SPATA3: variants seen among roughly 807,000 people sequenced by gnomAD.
The protein encoded by SPATA3 is spermatogenesis associated 3.
Under a neutral mutation model 5.7 loss-of-function variants are expected in SPATA3, and 6 were observed. The ratio of observed to expected loss-of-function variants is 1.06; its 90% confidence interval spans 0.58 to 2.09. The LOEUF (loss-of-function observed/expected upper bound fraction) is 2.09, where lower values mean the gene tolerates loss of function less well. Among genes scored for constraint, SPATA3 ranks in the 30% most tolerant of loss-of-function variants. The probability of loss-of-function intolerance (pLI) is 0.00; values close to 1 mark genes in which losing one functional copy is unlikely to be tolerated. For synonymous variants in SPATA3, 44 were observed against 48.4 expected, an observed-to-expected ratio of 0.91 and a Z score of 0.37; for missense variants, 155 against 130.4, an observed-to-expected ratio of 1.19 and a Z score of -0.92.
chr2:231,001,897 CA>C (rs1692366232), intron 2 of SPATA3, among the ~76,000 whole-genome samples: 1 of 152,204 alleles, frequency 6.6e-6, no homozygotes. Context: ...CAGGCTCCAA[CA>C]GGAACCTCTG....
At chr2:231,017,648 C>T (rs1016215461) in intron 6 of SPATA3, among the ~76,000 whole-genome samples, 6 of 152,188 alleles carry the variant, frequency 3.9e-5, no homozygotes, top group Admixed American at 1.3e-4. Context: ...ATGAAAATTA[C>T]ATTATTTTAG....
intron 2 of SPATA3, 32 bp downstream of exon 2, chr2:231,000,569 C>A: frequency 6.8e-7 from 1 of 1,467,154 alleles, no homozygotes; most frequent in Non-Finnish European, 9.1e-7. Context: ...AGCCTCGGGG[C>A]ACACAGTCCC....
At chr2:231,018,916 C>A (rs973051224) in intron 6 of SPATA3, among the ~76,000 whole-genome samples, 1 of 151,648 alleles carries the variant, frequency 6.6e-6, no homozygotes, top group African/African-American at 2.4e-5. Flanking sequence ...GAATTCCTGA[C>A]CTCAGGTGAT....
At chr2:231,018,942 A>G (rs1327859067) in intron 6 of SPATA3, among the ~76,000 whole-genome samples, 2 of 148,762 alleles carry the variant, frequency 1.3e-5, no homozygotes, top group Non-Finnish European at 3.0e-5. Flanking sequence ...CGCCTCAGCC[A>G]CCGTGCCTGG....
At chr2:231,013,006 G>A (rs781748833) in intron 5 of SPATA3, among the ~76,000 whole-genome samples, 2 of 152,156 alleles carry the variant, frequency 1.3e-5, no homozygotes, top group African/African-American at 2.4e-5. Context: ...AAGCTCAGCC[G>A]TGCAGGCCAG....
At chr2:231,019,997 G>C (rs116002724) in intron 7 of SPATA3, 1 of 143,872 alleles carries the variant, frequency 7.0e-6, no homozygotes, top group Non-Finnish European at 1.5e-5. Context: ...TCTACCTAAA[G>C]TGTGGACATA....
In SPATA3 at chr2:230,996,947, C is replaced by A. The variant is rs185161797; in HGVS notation, c.791-3419C>A. Among the ~76,000 whole-genome samples, 4 of 152,292 alleles carry A rather than the reference C, an allele frequency of 2.6e-5. No individual in the cohort carries two copies. The East Asian group carries it at 7.7e-4, about 29-fold the overall frequency. ...CTTTTGGGCTGTAAAAGATGCCTGA[C>A]AAACTAGTCCAAGGAAGATAGTCTG... is the stretch of plus-strand genomic sequence containing the variant. On this transcript the variant is annotated intron_variant, in intron 1 of 2. Coordinates refer to ENST00000645363, the Ensembl canonical transcript of SPATA3.
downstream of SPATA3, among the ~76,000 whole-genome samples, chr2:231,005,387 A>G (rs1692562196): frequency 1.4e-5 from 2 of 143,616 alleles, no homozygotes; most frequent in African/African-American, 5.2e-5. Context: ...CATCACCACC[A>G]CCATCATCAC....
chr2:231,009,340 A>G (rs887647888), downstream of SPATA3, among the ~76,000 whole-genome samples: 3 of 152,190 alleles, frequency 2.0e-5, no homozygotes, highest in Non-Finnish European at 4.4e-5. Flanking sequence ...CAGCTGCCTC[A>G]AGCGGCAGAC....
chr2:231,014,475 C>A (rs1272722428), intron 6 of SPATA3, among the ~76,000 whole-genome samples: 1 of 152,218 alleles, frequency 6.6e-6, no homozygotes, highest in African/African-American at 2.4e-5. Context: ...CTCTTTCCCA[C>A]ATGAAATCCA....
intron 6 of SPATA3, among the ~76,000 whole-genome samples, chr2:231,016,526 AAG>A (rs1491146309): frequency 3.5e-5 from 5 of 144,134 alleles, no homozygotes; most frequent in East Asian, 2.3e-4. Context: ...AAAAAAAAAG[AAG>A]AAGAAGGTTA....
In SPATA3 at chr2:231,015,312, C is replaced by G. The variant is rs189207588; in HGVS notation, c.*565+1100C>G. ...ACAGGGTTTCACCATGTTGACCAGG[C>G]TGATCTCGAGCCACCTGCCTTGGCC... is the stretch of plus-strand genomic sequence containing the variant. On this transcript the variant is annotated intron_variant, in intron 6 of 8. Coordinates refer to the SPATA3 transcript ENST00000452881. Among the ~76,000 whole-genome samples the G allele has an allele frequency of 9.9e-5, 14 of 141,190 alleles. No individual in the cohort carries two copies. In the East Asian group the frequency reaches 2.8e-3, roughly 29 times the overall value. The allele number at this position is 141,190 out of a possible 152,430, so 92.6% of individuals were successfully genotyped here. A position where few individuals can be genotyped will look rare whatever the true frequency, so the allele number is the denominator to read the frequency against.
At chr2:231,015,887 C>T (rs766391293) in intron 6 of SPATA3, among the ~76,000 whole-genome samples, 14 of 152,246 alleles carry the variant, frequency 9.2e-5, no homozygotes, top group Non-Finnish European at 1.8e-4. Context: ...CATATTCCCA[C>T]GGAGCTGTGA....
downstream of SPATA3, among the ~76,000 whole-genome samples, chr2:231,005,762 A>G (rs1391614846): frequency 6.6e-6 from 1 of 152,156 alleles, no homozygotes; most frequent in Non-Finnish European, 1.5e-5. Flanking sequence ...GTTGTCATCA[A>G]CACCATTATC....
At chr2:231,012,633 T>TA (rs1255765782) in exon 5 of SPATA3, 1 of 152,156 alleles carries the variant, frequency 6.6e-6, no homozygotes, top group African/African-American at 2.4e-5. Flanking sequence ...AGGAAGGTAT[T>TA]ATGTACAGAA....
chr2:230,998,829 G>A (rs1479878276), intron 1 of SPATA3, among the ~76,000 whole-genome samples: 2 of 152,192 alleles, frequency 1.3e-5, no homozygotes, highest in African/African-American at 4.8e-5. Context: ...GTTCCTCAGA[G>A]GAACATGAAG....
chr2:231,011,798 C>A (rs1692795238), downstream of SPATA3, among the ~76,000 whole-genome samples: 1 of 152,210 alleles, frequency 6.6e-6, no homozygotes, highest in African/African-American at 2.4e-5. Flanking sequence ...GGCCTGCAGC[C>A]ACCAATGACC....
downstream of SPATA3, among the ~76,000 whole-genome samples, chr2:231,005,142 C>CCACCAT (rs1254871706): frequency 3.0e-5 from 1 of 33,890 alleles, no homozygotes; most frequent in Non-Finnish European, 7.3e-5. Flanking sequence ...ATCACCACCA[C>CCACCAT]CACCATCACC....
intron 1 of SPATA3, among the ~76,000 whole-genome samples, chr2:230,998,934 C>T (rs9973901): frequency 0.051 from 7,693 of 152,280 alleles, 240 homozygotes; most frequent in Non-Finnish European, 0.064. Flanking sequence ...AAAACTTGTA[C>T]ACAAATGCTC....
Sources: gnomAD v4.1 joint callset for allele counts (sites outside exome capture counted in the v4.1 genomes callset) on GRCh38, gnomAD v4.1.1 for gene constraint, MANE v1.5 for transcripts, NCBI Gene and HGNC (gene_info 2026-07-23, HGNC 2026-07-21) for gene names.